Variants in MGAT4C observed in about 807,000 individuals in gnomAD.
The protein encoded by MGAT4C is MGAT4 family member C.
A neutral mutation model predicts 40.1 loss-of-function variants in MGAT4C; 19 were observed. The ratio of observed to expected loss-of-function variants is 0.47; its 90% CI spans 0.33 to 0.70. MGAT4C has a LOEUF of 0.70. Among genes scored for constraint, MGAT4C ranks in the 30% least tolerant of loss-of-function variants. MGAT4C has a pLI of 0.02. For missense variants in MGAT4C, 491 were observed against 563.2 expected (o/e 0.87, Z 1.30); for synonymous variants, 181 against 187.1 (o/e 0.97, Z 0.27).
chr12:86,768,247 T>C (rs891753570), intron 1 of MGAT4C, among the ~76,000 whole-genome samples: 13 of 152,160 alleles, frequency 8.5e-5, no homozygotes, highest in African/African-American at 3.1e-4. Flanking sequence ...AGCTAAATCA[T>C]GAGTGAATTC....
chr12:86,391,021 G>A (rs1956151880), intron 3 of MGAT4C, among the ~76,000 whole-genome samples: 1 of 152,104 alleles, frequency 6.6e-6, no homozygotes, highest in Non-Finnish European at 1.5e-5. Context: ...CAGAATATGG[G>A]GCTACTGAGT....
At chr12:86,065,980 T>C (rs755646919) in intron 1 of MGAT4C, among the ~76,000 whole-genome samples, 10 of 152,056 alleles carry the variant, frequency 6.6e-5, no homozygotes, top group Non-Finnish European at 7.4e-5. Context: ...GAGAATAAAA[T>C]ACCTATGAAT....
At position 86,550,886 on chromosome 12, in the gene MGAT4C, C is replaced by A. The variant is rs112961498; in HGVS notation, c.-228-115621G>T. Among the ~76,000 whole-genome samples, 482 of 152,318 alleles carry A rather than the reference C, an allele frequency of 3.2e-3. 1 individual carries two copies. Among genetic ancestry groups the A allele is most frequent in the African/African-American group, 0.011 (466 of 41,564 alleles). ...GGGGCCTGACAAATAGCCCTACAGC[C>A]CTACATTGCTTCCCCACTCTCCATG... On this transcript the variant is annotated intron_variant, in intron 2 of 7. Transcript: ENST00000548651.
chr12:86,791,684 G>T (rs1460498513), intron 1 of MGAT4C, among the ~76,000 whole-genome samples: 1 of 151,772 alleles, frequency 6.6e-6, no homozygotes, highest in Non-Finnish European at 1.5e-5. Context: ...TTTGCTTCTG[G>T]ACGGGTTTGT....
chr12:86,202,737 C>A (rs958411467), intron 1 of MGAT4C, among the ~76,000 whole-genome samples: 1 of 151,902 alleles, frequency 6.6e-6, no homozygotes, highest in Non-Finnish European at 1.5e-5. Context: ...TCATTGATTT[C>A]ACTTATTCTT....
intron 1 of MGAT4C, among the ~76,000 whole-genome samples, chr12:86,812,187 T>A (rs1952491050): frequency 6.6e-6 from 1 of 152,132 alleles, no homozygotes; most frequent in Admixed American, 6.6e-5. Context: ...TCATTTACTT[T>A]AAATTTATTG....
intron 2 of MGAT4C, among the ~76,000 whole-genome samples, chr12:86,443,026 G>C (rs1308622172): frequency 6.6e-6 from 1 of 151,948 alleles, no homozygotes; most frequent in Non-Finnish European, 1.5e-5. Context: ...TCTATTCCAA[G>C]GTTAATATAT....
At chr12:86,829,786 A>C (rs1952883344) in intron 1 of MGAT4C, among the ~76,000 whole-genome samples, 1 of 150,816 alleles carries the variant, frequency 6.6e-6, no homozygotes, top group African/African-American at 2.4e-5. Flanking sequence ...CTTACATTAC[A>C]GAGCTTGAAA....
intron 3 of MGAT4C, among the ~76,000 whole-genome samples, chr12:86,428,649 T>C (rs1293911181): frequency 3.3e-5 from 5 of 152,368 alleles, no homozygotes; most frequent in African/African-American, 1.2e-4. Context: ...TATATTCCCT[T>C]GTTAATAGTT....
At chr12:86,226,105 G>A (rs143322204) in intron 1 of MGAT4C, among the ~76,000 whole-genome samples, 28 of 150,244 alleles carry the variant, frequency 1.9e-4, no homozygotes, top group Admixed American at 3.4e-4. Context: ...TACTGGACAT[G>A]TCATATCAAC....
chr12:86,313,887 A>G (rs1184122016), intron 4 of MGAT4C, among the ~76,000 whole-genome samples: 1 of 152,220 alleles, frequency 6.6e-6, no homozygotes, highest in Non-Finnish European at 1.5e-5. Context: ...AGATGCACAA[A>G]TGTGAAACAA....
chr12:86,243,687 T>G (rs1566209803), intron 1 of MGAT4C, among the ~76,000 whole-genome samples: 1 of 152,104 alleles, frequency 6.6e-6, no homozygotes, highest in African/African-American at 2.4e-5. Context: ...ACTTCCATCC[T>G]ACAGCTGCAA....
At chr12:86,114,248 G>A (rs938680286) in intron 1 of MGAT4C, among the ~76,000 whole-genome samples, 10 of 151,688 alleles carry the variant, frequency 6.6e-5, no homozygotes, top group African/African-American at 2.2e-4. Flanking sequence ...TCCTTAAATG[G>A]TTTTGTCAGT....
At chr12:86,817,020 C>CCTTTTTTTCTTT (rs1368819742) in intron 1 of MGAT4C, among the ~76,000 whole-genome samples, 1 of 150,456 alleles carries the variant, frequency 6.6e-6, no homozygotes, top group African/African-American at 2.4e-5. Context: ...TTCTTATGCC[C>CCTTTTTTTCTTT]CTTTTTTTCT....
At chr12:86,523,821 A>G (rs1958835666) in intron 2 of MGAT4C, among the ~76,000 whole-genome samples, 1 of 151,978 alleles carries the variant, frequency 6.6e-6, no homozygotes, top group African/African-American at 2.4e-5. Flanking sequence ...GTAGAATTTA[A>G]CCCTTTATCA....
intron 2 of MGAT4C, among the ~76,000 whole-genome samples, chr12:86,629,081 A>C (rs1342465833): frequency 6.6e-6 from 1 of 151,384 alleles, no homozygotes; most frequent in Non-Finnish European, 1.5e-5. Flanking sequence ...AAATGGAAAG[A>C]AAAAAAAACC....
chr12:85,992,340 A>T (rs1003919736), intron 2 of MGAT4C, among the ~76,000 whole-genome samples: 7 of 152,134 alleles, frequency 4.6e-5, no homozygotes, highest in African/African-American at 1.7e-4. Flanking sequence ...GTCACATAGG[A>T]CTGAAAGGAA....
intron 3 of MGAT4C, among the ~76,000 whole-genome samples, chr12:86,354,642 C>T (rs78120696): frequency 0.085 from 12,911 of 152,038 alleles, 763 homozygotes; most frequent in Middle Eastern, 0.22. Flanking sequence ...ATTAGTGAAC[C>T]TGAAGGTATA....
chr12:86,289,531 C>T (rs1429998836), intron 4 of MGAT4C, among the ~76,000 whole-genome samples: 3 of 152,054 alleles, frequency 2.0e-5, no homozygotes, highest in African/African-American at 7.2e-5. Flanking sequence ...TTATTTCTAT[C>T]CATGAACATG....
Sources: allele counts gnomAD v4.1 joint callset (sites outside exome capture counted in the v4.1 genomes callset), GRCh38; gene constraint gnomAD v4.1.1; transcripts MANE v1.5; gene names NCBI Gene and HGNC (gene_info 2026-07-23, HGNC 2026-07-21).